WWC1: variants seen among roughly 807,000 people sequenced by gnomAD.
The protein encoded by WWC1 is protein KIBRA.
Under a neutral mutation model 138.4 loss-of-function variants are expected in WWC1, and 55 were observed. The observed-to-expected ratio is 0.40, with a 90% CI of 0.32 to 0.50. The LOEUF is 0.50. Among genes scored for constraint, WWC1 ranks in the 20% least tolerant of loss-of-function variants. The pLI is 0.72. For missense variants in WWC1, 1,226 were observed against 1,420.4 expected (o/e 0.86, Z 2.20); for synonymous variants, 524 against 564.9 (o/e 0.93, Z 1.03).
intron 1 of WWC1, among the ~76,000 whole-genome samples, chr5:168,344,106 A>T (rs983158336): frequency 1.3e-5 from 2 of 152,064 alleles, no homozygotes; most frequent in Non-Finnish European, 2.9e-5. Context: ...TCTGATCCTT[A>T]TTTTCCACCT....
intron 1 of WWC1, among the ~76,000 whole-genome samples, chr5:168,363,385 A>G (rs1183745663): frequency 6.6e-6 from 1 of 151,918 alleles, no homozygotes; most frequent in African/African-American, 2.4e-5. Flanking sequence ...TTAGCCCGGC[A>G]TGGTGGCGGG....
chr5:168,442,439 C>CAA (rs11430085), intron 16 of WWC1, among the ~76,000 whole-genome samples: 27,710 of 97,056 alleles, frequency 0.29, 4,437 homozygotes, highest in African/African-American at 0.35. Context: ...CTTGTCTCTA[C>CAA]AAAAAAAAAA....
chr5:168,427,971 A>G (rs1209322618), intron 11 of WWC1, 62 bp from the exon 12 acceptor site: 1 of 1,442,354 alleles, frequency 6.9e-7, no homozygotes, highest in Non-Finnish European at 9.7e-7. Context: ...ACAAAACAAA[A>G]TTGGGAGTCG....
At chr5:168,293,858 C>G (rs1482431236) in intron 1 of WWC1, among the ~76,000 whole-genome samples, 2 of 152,170 alleles carry the variant, frequency 1.3e-5, no homozygotes, top group Non-Finnish European at 2.9e-5. Context: ...CAGTTCTTCA[C>G]CAGCTCTGAA....
chr5:168,366,587 A>G (rs1172261223), intron 1 of WWC1, among the ~76,000 whole-genome samples: 2 of 152,142 alleles, frequency 1.3e-5, no homozygotes, highest in Non-Finnish European at 1.5e-5. Flanking sequence ...GTGTCCTGGT[A>G]GGGTATCCAC....
At chr5:168,443,433 A>G (rs534368560) in intron 16 of WWC1, among the ~76,000 whole-genome samples, 2 of 152,304 alleles carry the variant, frequency 1.3e-5, no homozygotes, top group East Asian at 1.9e-4. Flanking sequence ...ACCAAATTAC[A>G]TTAAGATGTA....
intron 1 of WWC1, among the ~76,000 whole-genome samples, chr5:168,301,951 C>T (rs1288974121): frequency 2.0e-5 from 3 of 152,166 alleles, no homozygotes; most frequent in African/African-American, 4.8e-5. Context: ...TGGCAGCACT[C>T]ATTATATGAA....
At position 168,464,736 on chromosome 5, in the gene WWC1, C is replaced by G; in HGVS notation, c.2924C>G (p.Ser975Trp). 1.2e-6 allele frequency: 2 copies of G among 1,614,138 alleles called. No individual in the cohort carries two copies. Among genetic ancestry groups the G allele is most frequent in the Non-Finnish European group, 1.7e-6 (2 of 1,180,032 alleles). The change falls in exon 21 of 23, where the codon TCG (serine) becomes TGG (tryptophan). Residue 975 changes from serine (S) to tryptophan (W), a missense_variant. Physicochemically the swap from Ser to Trp is radical, Grantham distance 177. This residue lies in a region of WWC1 where 206 missense variants were observed against 247.4 expected (regional missense o/e 0.83). Transcript: ENST00000265293. Reference sequence around the variant, plus strand: ...CCGTCCCCACCCCCACAGCCTTCCTCGGTCAAGTCGCTGCGCTCCGAGCGT... The same window carrying G: ...CCGTCCCCACCCCCACAGCCTTCCTGGGTCAAGTCGCTGCGCTCCGAGCGT... ...RRSVRMKRPS[S>W]VKSLRSERLI...
chr5:168,467,345 T>G (rs1476663646), intron 21 of WWC1, among the ~76,000 whole-genome samples: 1 of 152,238 alleles, frequency 6.6e-6, no homozygotes, highest in Non-Finnish European at 1.5e-5. Flanking sequence ...CGTGGATATT[T>G]TAGGGCTGTC....
At chr5:168,352,524 G>A (rs1775052331) in intron 1 of WWC1, among the ~76,000 whole-genome samples, 1 of 151,880 alleles carries the variant, frequency 6.6e-6, no homozygotes, top group Non-Finnish European at 1.5e-5. Context: ...CAGGACCTAA[G>A]GCATGCGACT....
intron 2 of WWC1, among the ~76,000 whole-genome samples, chr5:168,375,149 A>G (rs1183349148): frequency 6.6e-6 from 1 of 152,150 alleles, no homozygotes; most frequent in Non-Finnish European, 1.5e-5. Context: ...TAAGTATTTG[A>G]GAGTTGCTGG....
intron 19 of WWC1, among the ~76,000 whole-genome samples, chr5:168,460,359 A>G (rs1206292820): frequency 6.6e-6 from 1 of 152,216 alleles, no homozygotes; most frequent in Non-Finnish European, 1.5e-5. Flanking sequence ...ACTTGTGAAA[A>G]TGGATTTGCT....
At chr5:168,426,222 A>T (rs537604420) in intron 11 of WWC1, among the ~76,000 whole-genome samples, 3 of 152,278 alleles carry the variant, frequency 2.0e-5, no homozygotes, top group African/African-American at 7.2e-5. Context: ...GTGCTCTCAA[A>T]ATAAAAGCAA....
intron 6 of WWC1, 141 bp downstream of exon 6, chr5:168,406,468 T>G: frequency 2.3e-6 from 3 of 1,282,056 alleles, no homozygotes; most frequent in Non-Finnish European, 3.2e-6. Flanking sequence ...TTGGTTCCAT[T>G]TCATAGAGGA....
intron 11 of WWC1, among the ~76,000 whole-genome samples, chr5:168,426,924 G>A (rs1052301139): frequency 1.3e-5 from 2 of 152,226 alleles, no homozygotes; most frequent in Admixed American, 6.5e-5. Flanking sequence ...ATGGCAATGG[G>A]CCTGGCACAT....
intron 12 of WWC1, 149 bp downstream of exon 12, chr5:168,428,290 C>T: frequency 1.4e-6 from 1 of 719,728 alleles, no homozygotes; most frequent in Non-Finnish European, 2.3e-6. Context: ...TTCCTCTTGG[C>T]TGCCCAAGGC....
At chr5:168,308,696 C>T (rs932734350) in intron 1 of WWC1, among the ~76,000 whole-genome samples, 1 of 152,142 alleles carries the variant, frequency 6.6e-6, no homozygotes, top group African/African-American at 2.4e-5. Flanking sequence ...AAGAGAACCT[C>T]CAAGTGATTT....
chr5:168,368,194 G>T (rs193261703), intron 1 of WWC1, among the ~76,000 whole-genome samples: 11 of 150,986 alleles, frequency 7.3e-5, no homozygotes, highest in Non-Finnish European at 1.0e-4. Flanking sequence ...GGGTTCAAGT[G>T]CTTCTCCTGC....
At position 168,382,941 on chromosome 5, in the gene WWC1, C is replaced by T. The variant is rs531050510; in HGVS notation, c.230-2270C>T. ...CTGTAATCCCACCACTTTGGGAGGCCGAGGCAGGTAGGTCACCTGAGGTCA... is the reference window on the plus strand; with the variant it reads ...CTGTAATCCCACCACTTTGGGAGGCTGAGGCAGGTAGGTCACCTGAGGTCA... On this transcript the variant is annotated intron_variant, in intron 2 of 22. Transcript: ENST00000265293. Among the ~76,000 whole-genome samples the T allele has an allele frequency of 4.3e-3, 652 of 152,014 alleles. 1 individual carries two copies. The highest frequency in any genetic ancestry group is 6.2e-3 in the Non-Finnish European group (418 of 67,966).
Sources: allele counts gnomAD v4.1 joint callset (sites outside exome capture counted in the v4.1 genomes callset), GRCh38; gene constraint gnomAD v4.1.1; regional missense constraint gnomAD v4.1.1; transcripts MANE v1.5; gene names NCBI Gene and HGNC (gene_info 2026-07-23, HGNC 2026-07-21).